NRG2: variants seen among roughly 807,000 people sequenced by gnomAD.
NRG2 encodes the protein neuregulin 2, also known as pro-neuregulin-2, membrane-bound isoform.
In NRG2, 27 loss-of-function variants were observed where a neutral mutation model predicts 73.9. That is an observed-to-expected ratio of 0.37 (90% confidence interval 0.27 to 0.50). NRG2 has a LOEUF of 0.50. Ranked by LOEUF, NRG2 falls within the 20% of genes least tolerant of loss-of-function variation. NRG2 has a pLI of 0.96. For synonymous variants in NRG2, 532 were observed against 541.0 expected (o/e 0.98, Z 0.23); for missense variants, 1,126 against 1,210.1 (o/e 0.93, Z 1.03).
At chr5:139,955,632 G>T (rs1754564028) in intron 1 of NRG2, among the ~76,000 whole-genome samples, 2 of 152,148 alleles carry the variant, frequency 1.3e-5, no homozygotes, top group African/African-American at 4.8e-5. Context: ...GTCTCCTCAG[G>T]AGATTAGAAC....
intron 1 of NRG2, among the ~76,000 whole-genome samples, chr5:140,007,878 C>G (rs1759036263): frequency 6.6e-6 from 1 of 152,226 alleles, no homozygotes; most frequent in Non-Finnish European, 1.5e-5. Context: ...TGTCCCTTAA[C>G]AGATCAGGAA....
At chr5:139,862,848 G>A (rs768083272) in intron 5 of NRG2, among the ~76,000 whole-genome samples, 1 of 152,266 alleles carries the variant, frequency 6.6e-6, no homozygotes, top group Non-Finnish European at 1.5e-5. Context: ...GCTTTGACCC[G>A]TGGGGAATGG....
At chr5:139,957,856 C>A (rs969074022) in intron 1 of NRG2, among the ~76,000 whole-genome samples, 4 of 152,158 alleles carry the variant, frequency 2.6e-5, no homozygotes, top group Non-Finnish European at 5.9e-5. Flanking sequence ...AAGCACTGGT[C>A]TCTGAGGATG....
At chr5:139,963,428 C>T (rs1202308022) in intron 1 of NRG2, among the ~76,000 whole-genome samples, 2 of 152,208 alleles carry the variant, frequency 1.3e-5, no homozygotes, top group African/African-American at 4.8e-5. Flanking sequence ...AGGTTGGCAT[C>T]TGTGCTGGAG....
At position 139,991,406 on chromosome 5, in the gene NRG2, A is replaced by G. The variant is rs528810156; in HGVS notation, c.700+50964T>C. Among the ~76,000 whole-genome samples, 122 of 152,242 alleles carry G rather than the reference A, an allele frequency of 8.0e-4. 4 individuals are homozygous for G. In the Middle Eastern group the frequency reaches 0.01, roughly 13 times the overall value. ...TGAAAGACAATCACCTATATTTTCT[A>G]CTAAGAATTTTTAAGTTATGGGGTG... On this transcript the variant is annotated intron_variant, in intron 1 of 9. Coordinates refer to ENST00000361474, the MANE Select transcript of NRG2 (RefSeq NM_004883.3).
chr5:139,880,735 C>T, intron 3 of NRG2, 121 bp downstream of exon 3: 1 of 668,636 alleles, frequency 1.5e-6, no homozygotes, highest in Non-Finnish European at 2.6e-6. Flanking sequence ...GATATGGCAG[C>T]AGCAGGAGGG....
chr5:139,871,670 G>T (rs1762861221), intron 4 of NRG2, 51 bp downstream of exon 4: 1 of 1,606,248 alleles, frequency 6.2e-7, no homozygotes, highest in African/African-American at 1.3e-5. Flanking sequence ...TTCTGACCCA[G>T]CATCTCCTAC....
chr5:139,908,527 T>C (rs1312854761), intron 1 of NRG2, among the ~76,000 whole-genome samples: 1 of 152,226 alleles, frequency 6.6e-6, no homozygotes, highest in Admixed American at 6.5e-5. Flanking sequence ...GTAGGTCTAC[T>C]ATTATTCCCA....
At chr5:140,002,038 G>T (rs749842057) in intron 1 of NRG2, among the ~76,000 whole-genome samples, 1 of 151,800 alleles carries the variant, frequency 6.6e-6, no homozygotes, top group Non-Finnish European at 1.5e-5. Context: ...AAAAATATTC[G>T]CCGGGCATGG....
intron 1 of NRG2, among the ~76,000 whole-genome samples, chr5:139,960,299 G>T (rs1754962210): frequency 6.6e-6 from 1 of 152,194 alleles, no homozygotes; most frequent in Non-Finnish European, 1.5e-5. Flanking sequence ...CAGGTCACCT[G>T]AGGTCGGGAG....
intron 1 of NRG2, among the ~76,000 whole-genome samples, chr5:140,034,149 A>G (rs1761343233): frequency 6.6e-6 from 1 of 152,138 alleles, no homozygotes; most frequent in Admixed American, 6.6e-5. Flanking sequence ...TTTAATACAG[A>G]TAGGATTTAA....
intron 1 of NRG2, among the ~76,000 whole-genome samples, chr5:139,998,431 C>A (rs549558886): frequency 6.6e-6 from 1 of 152,306 alleles, no homozygotes; most frequent in Admixed American, 6.5e-5. Flanking sequence ...ACTCAGGAAG[C>A]CTGTGTTCCC....
intron 1 of NRG2, among the ~76,000 whole-genome samples, chr5:139,901,202 G>T (rs1764868842): frequency 6.6e-6 from 1 of 152,226 alleles, no homozygotes; most frequent in South Asian, 2.1e-4. Context: ...CCTGCCAAAT[G>T]CCTGGGACCT....
intron 1 of NRG2, among the ~76,000 whole-genome samples, chr5:139,989,798 A>T (rs1046112698): frequency 5.4e-4 from 79 of 146,316 alleles, no homozygotes; most frequent in African/African-American, 1.5e-3. Context: ...TTATTTTTTT[A>T]TTTTTTTTTG....
intron 1 of NRG2, among the ~76,000 whole-genome samples, chr5:139,982,000 G>A (rs562935717): frequency 3.3e-5 from 5 of 152,304 alleles, no homozygotes; most frequent in Non-Finnish European, 7.3e-5. Context: ...TGCCAGCATA[G>A]AGCACGTTTG....
chr5:139,938,834 T>C (rs59638156), intron 1 of NRG2, among the ~76,000 whole-genome samples: 29,638 of 105,026 alleles, frequency 0.28, 4,376 homozygotes, highest in African/African-American at 0.48. Context: ...AATTGGACAG[T>C]CATATACAGA....
chr5:139,939,723 G>C (rs1461084466), intron 1 of NRG2, among the ~76,000 whole-genome samples: 1 of 152,136 alleles, frequency 6.6e-6, no homozygotes, highest in Non-Finnish European at 1.5e-5. Context: ...AAACGTATCT[G>C]ACAAAGGAAT....
intron 1 of NRG2, among the ~76,000 whole-genome samples, chr5:139,901,588 T>TGGGAAA (rs974464559): frequency 1.3e-5 from 2 of 152,158 alleles, no homozygotes; most frequent in African/African-American, 2.4e-5. Flanking sequence ...ATAGCAAAGA[T>TGGGAAA]GGGAAAGAAA....
At chr5:139,945,905 A>T (rs1056375622) in intron 1 of NRG2, among the ~76,000 whole-genome samples, 1 of 152,098 alleles carries the variant, frequency 6.6e-6, no homozygotes, top group Admixed American at 6.6e-5. Flanking sequence ...AAATCTAACA[A>T]ATGAAGTGCA....
Sources: gnomAD v4.1 joint callset for allele counts (sites outside exome capture counted in the v4.1 genomes callset) on GRCh38, gnomAD v4.1.1 for gene constraint, MANE v1.5 for transcripts, NCBI Gene and HGNC (gene_info 2026-07-23, HGNC 2026-07-21) for gene names.